The following LIPE variants were observed in gnomAD, a reference collection of about 807,000 sequenced individuals.
The protein encoded by LIPE is hormone-sensitive lipase.
Under a neutral mutation model 88.5 loss-of-function variants are expected in LIPE, and 66 were observed. That is an observed-to-expected ratio of 0.75 (90% CI 0.61 to 0.91). The LOEUF (loss-of-function observed/expected upper bound fraction) is 0.91. LIPE is among the 40% of genes least tolerant of loss of function. The probability of loss-of-function intolerance (pLI) is 0.00; values close to 1 mark genes in which losing one functional copy is unlikely to be tolerated. For missense variants in LIPE, 1,346 were observed against 1,434.7 expected (o/e 0.94, Z 1.00); for synonymous variants, 570 against 617.5 (o/e 0.92, Z 1.14).
chr19:42,417,201 T>TTGG (rs2040505916), intron 1 of LIPE, among the ~76,000 whole-genome samples: 3 of 152,252 alleles, frequency 2.0e-5, no homozygotes, highest in Non-Finnish European at 4.4e-5. Context: ...ATTACAGGCG[T>TTGG]GAGCCACTGC....
At position 42,425,789 on chromosome 19, in the gene LIPE, G is replaced by A. The variant is rs34724405; in HGVS notation, c.883+478C>T. 7.9e-3 allele frequency among the ~76,000 whole-genome samples: 1,196 copies of A among 152,164 alleles called. 16 individuals are homozygous for A. Among genetic ancestry groups the A allele is most frequent in the African/African-American group, 0.027 (1,126 of 41,518 alleles). On this transcript the variant is annotated intron_variant, in intron 1 of 9. Transcript: ENST00000244289. ...CATACCAGTGCACCCCAGCCTGGGCGACAGAGTGAGACTTTGTTTTTTTCT... is the reference window on the plus strand; with the variant it reads ...CATACCAGTGCACCCCAGCCTGGGCAACAGAGTGAGACTTTGTTTTTTTCT...
Position 42,427,024 on chromosome 19 carries a change from CAG to C in LIPE, c.124_125del (p.Leu42AlafsTer26), listed in dbSNP as rs1226525809. The stretch of plus-strand genomic sequence containing the variant: ...GCTTCTGTTGGGTATTGGATCCCTG[CAG>C]AGTCTTCGATTCTGGCTGGGCTATG... The part of the protein sequence containing the change: ...TPIAQPESKT[L>X]QGSNTQQKPA... On this transcript the variant is annotated frameshift_variant, in exon 1 of 10. Coordinates refer to ENST00000244289, the MANE Select transcript of LIPE (RefSeq NM_005357.4). LOFTEE classifies it high-confidence loss of function. 1.2e-6 allele frequency: 2 copies of C among 1,613,780 alleles called. No homozygotes were observed. Among genetic ancestry groups the C allele is most frequent in the Non-Finnish European group, 1.7e-6 (2 of 1,179,990 alleles).
intron 1 of LIPE, among the ~76,000 whole-genome samples, chr19:42,420,642 C>A (rs2040580052): frequency 6.6e-6 from 1 of 152,042 alleles, no homozygotes; most frequent in African/African-American, 2.4e-5. Context: ...TACTAAAGGC[C>A]TCTGGAACCT....
In LIPE at chr19:42,407,791, A is replaced by G; in HGVS notation, c.1657T>C (p.Ser553Pro). ...GTGGCCGATGCCATGTTGGCCAGAG[A>G]CTGGAGGGAGGGGACAGAAGGGGTG... Reference protein sequence around the residue: ...WNITEMEVLSSLANMASATVR... With the variant: ...WNITEMEVLSPLANMASATVR... Residue 553 changes from serine (S) to proline (P), a missense_variant and splice_region_variant, in exon 5 of 10, where the codon TCT (serine) becomes CCT (proline). Transcript: ENST00000244289. This position sits in a 1 kb window ranked among gnomAD's most constrained non-coding sequence, Gnocchi z 5.8. The G allele has an allele frequency of 1.3e-6, 2 of 1,546,942 alleles. No homozygotes were observed. Among genetic ancestry groups the G allele is most frequent in the South Asian group, 2.5e-5 (2 of 80,346 alleles).
rs1403744792 is a variant in LIPE, at chr19:42,426,591, G to T, written c.559C>A (p.Gln187Lys). Residue 187 changes from glutamine to lysine, a missense_variant, in exon 1 of 10, where the codon CAA becomes AAA. Gln to Lys is a moderately conservative substitution (Grantham distance 53, BLOSUM62 1). Coordinates refer to ENST00000244289, the MANE Select transcript of LIPE (RefSeq NM_005357.4). The stretch of plus-strand genomic sequence containing the variant: ...TTGGCTCCCTGGACTGGCGTTGTTT[G>T]CTTGTCTGACTGTTCAGGTGTCTCT... ...SQETPEQSDK[Q>K]TTPVQGAKSK... 6.2e-7 allele frequency: 1 copy of T among 1,614,220 alleles called. No homozygotes were observed. The highest frequency in any genetic ancestry group is 8.5e-7 in the Non-Finnish European group (1 of 1,180,038).
At position 42,414,464 on chromosome 19, in the gene LIPE, A is replaced by G. The variant is rs2040450431; in HGVS notation, c.884-3622T>C. Among the ~76,000 whole-genome samples, 1 of 152,198 alleles carries G rather than the reference A, an allele frequency of 6.6e-6. No homozygotes were observed. Among genetic ancestry groups the G allele is most frequent in the Admixed American group, 6.5e-5 (1 of 15,284 alleles). On this transcript the variant is annotated intron_variant, in intron 1 of 9. Transcript: ENST00000244289. This position sits in a 1 kb window ranked among gnomAD's most constrained non-coding sequence, Gnocchi z 4.6. ...ATTTATAAGTGGGGCCATGGCCGGCATGTTCTGCATGTGGTTTGCTTTGTG... is the reference window on the plus strand; with the variant it reads ...ATTTATAAGTGGGGCCATGGCCGGCGTGTTCTGCATGTGGTTTGCTTTGTG...
intron 1 of LIPE, among the ~76,000 whole-genome samples, chr19:42,411,901 A>G (rs1318812740): frequency 6.6e-6 from 1 of 152,184 alleles, no homozygotes; most frequent in East Asian, 1.9e-4. Flanking sequence ...CACACCACCT[A>G]GGTTCAAATC....
intron 1 of LIPE, among the ~76,000 whole-genome samples, chr19:42,417,179 C>A (rs969419986): frequency 6.6e-6 from 1 of 152,208 alleles, no homozygotes; most frequent in Non-Finnish European, 1.5e-5. Context: ...CTCGGCCTCC[C>A]AAAATGCTGG....
rs1451400368 is a variant in LIPE, at chr19:42,406,829, T to C, written c.2137+345A>G. On this transcript the variant is annotated intron_variant, in intron 6 of 9. Transcript: ENST00000244289. This position sits in a 1 kb window ranked among gnomAD's most constrained non-coding sequence, Gnocchi z 5.7. ...TCTGTGCCTCAGTGTCCTCCCAAGA[T>C]GTTGATCTTCGAAGAGGGAGGTCAG... Among the ~76,000 whole-genome samples, 5 of 152,014 alleles carry C rather than the reference T, an allele frequency of 3.3e-5. No homozygotes were observed. The highest frequency in any genetic ancestry group is 1.5e-5 in the Non-Finnish European group (1 of 68,000).
intron 1 of LIPE, 110 bp downstream of exon 1, chr19:42,426,157 T>C: frequency 1.2e-6 from 1 of 808,592 alleles, no homozygotes. Context: ...TATCTCAGGA[T>C]TGTTGAAGGA....
intron 1 of LIPE, chr19:42,424,021 A>C: frequency 1.0e-5 from 12 of 1,179,680 alleles, no homozygotes; most frequent in Non-Finnish European, 1.3e-5. Flanking sequence ...GGGGCGGGCC[A>C]GGTCCTCTGC....
Position 42,410,205 on chromosome 19 carries a change from G to A in LIPE, c.1419+102C>T, listed in dbSNP as rs911392015. ...TCTGTACCTGCTGTTTGCTGAGTCCGATAATGCTGACCACTGGTTACTTTA... is the reference window on the plus strand; with the variant it reads ...TCTGTACCTGCTGTTTGCTGAGTCCAATAATGCTGACCACTGGTTACTTTA... On this transcript the variant is annotated intron_variant, in intron 2 of 9. Transcript: ENST00000244289. This position sits in a 1 kb window ranked among gnomAD's most constrained non-coding sequence, Gnocchi z 6.1. 40 of 1,206,188 alleles carry A rather than the reference G, an allele frequency of 3.3e-5. No homozygotes were observed. The highest frequency in any genetic ancestry group is 1.5e-4 in the African/African-American group (10 of 65,384). 74.7% of individuals were successfully genotyped at this position (1,206,188 alleles called of 1,614,324 possible).
chr19:42,402,079 C>T lies in LIPE; in HGVS notation c.2968-4G>A, dbSNP rs1386192164. On this transcript the variant is annotated splice_region_variant and splice_polypyrimidine_tract_variant and intron_variant, in intron 9 of 9. Coordinates refer to ENST00000244289, the MANE Select transcript of LIPE (RefSeq NM_005357.4). ...GCATGGGGTCCAGCGCGCACGCCTACGGGACAGCGGGGAGGGACGTGGAGA... is the reference window on the plus strand; with the variant it reads ...GCATGGGGTCCAGCGCGCACGCCTATGGGACAGCGGGGAGGGACGTGGAGA... 4 of 1,469,944 alleles carry T rather than the reference C, an allele frequency of 2.7e-6. No homozygotes were observed. The highest frequency in any genetic ancestry group is 3.6e-6 in the Non-Finnish European group (4 of 1,107,154). The allele number at this position is 1,469,944 out of a possible 1,614,324, so 91.1% of individuals were successfully genotyped here.
At chr19:42,420,122 C>T (rs1294874223) in intron 1 of LIPE, among the ~76,000 whole-genome samples, 2 of 151,552 alleles carry the variant, frequency 1.3e-5, no homozygotes, top group African/African-American at 4.9e-5. Flanking sequence ...CCATTATCAT[C>T]CCTTTTGGCA....
At chr19:42,411,414 C>G in intron 1 of LIPE, 1 of 828,646 alleles carries the variant, frequency 1.2e-6, no homozygotes, top group Non-Finnish European at 1.5e-6. Context: ...GGTCCCCATT[C>G]TCAGGACCCA....
chr19:42,424,179 C>T (rs2040661507), intron 1 of LIPE: 3 of 1,095,648 alleles, frequency 2.7e-6, no homozygotes, highest in Non-Finnish European at 2.4e-6. Context: ...GTCTCCGCCC[C>T]CTAATCCATG....
At position 42,401,953 on chromosome 19, in the gene LIPE, C is replaced by A. The variant is rs1800537; in HGVS notation, c.3090G>T (p.Ala1030=). Reference sequence around the variant, plus strand: ...CCTGGCGCGTCTCGCGGCACAGCGCCGCTAGGGTCAGGAAGCCGTGCGGCA... The same window carrying A: ...CCTGGCGCGTCTCGCGGCACAGCGCAGCTAGGGTCAGGAAGCCGTGCGGCA... ...EDLPHGFLTL[A]ALCRETRQAA... The change falls in exon 10 of 10, where the codon GCG becomes GCT. Residue 1030 remains alanine, a synonymous_variant. Transcript: ENST00000244289. The A allele has an allele frequency of 2.6e-6, 4 of 1,557,756 alleles. No homozygotes were observed. The African/African-American group carries it at 5.4e-5, about 21-fold the overall frequency.
At chr19:42,403,198 A>C (rs1031736160) in intron 8 of LIPE, 167 bp from the exon 9 acceptor site, 6 of 510,110 alleles carry the variant, frequency 1.2e-5, no homozygotes, top group Non-Finnish European at 2.0e-5. Flanking sequence ...CCAGGTGGTC[A>C]TGGTGGGGGT....
At chr19:42,423,690 C>T in intron 1 of LIPE, 2 of 1,144,144 alleles carry the variant, frequency 1.7e-6, no homozygotes, top group South Asian at 3.4e-5. Context: ...TTCTGGTCTC[C>T]CTCCGCTGCC....
Sources: allele counts gnomAD v4.1 joint callset (sites outside exome capture counted in the v4.1 genomes callset), GRCh38; gene constraint gnomAD v4.1.1; non-coding constraint Gnocchi (gnomAD v3.1); transcripts MANE v1.5; gene names NCBI Gene and HGNC (gene_info 2026-07-23, HGNC 2026-07-21).